The following FAP variants were observed in gnomAD, a reference collection of about 807,000 sequenced individuals.
FAP encodes fibroblast activation protein alpha, also known as prolyl endopeptidase FAP.
FAP carries 110 observed loss-of-function variants against 126.5 expected under a neutral mutation model. The ratio of observed to expected loss-of-function variants is 0.87; its 90% CI spans 0.74 to 1.02. FAP has a LOEUF of 1.02. FAP is among the 50% of genes least tolerant of loss of function. The pLI is 0.00. For synonymous variants in FAP, 334 were observed against 297.3 expected (o/e 1.12, Z -1.27); for missense variants, 919 against 909.2 (o/e 1.01, Z -0.14).
At chr2:162,183,389 G>A (rs776318951) in intron 21 of FAP, 25 bp downstream of exon 21, 15 of 1,542,390 alleles carry the variant, frequency 9.7e-6, no homozygotes, top group Admixed American at 1.7e-5. Context: ...TGAATAACAG[G>A]CATAAAAAAT....
intron 6 of FAP, among the ~76,000 whole-genome samples, chr2:162,223,330 TA>T (rs1689494507): frequency 6.6e-6 from 1 of 152,110 alleles, no homozygotes; most frequent in African/African-American, 2.4e-5. Flanking sequence ...GTTTTTTCCA[TA>T]AATAGCACAT....
chr2:162,223,283 C>A (rs1484969415), intron 6 of FAP, among the ~76,000 whole-genome samples: 1 of 152,062 alleles, frequency 6.6e-6, no homozygotes, highest in African/African-American at 2.4e-5. Flanking sequence ...AAAATAGTGT[C>A]TCATTTCCAA....
At chr2:162,201,541 C>T (rs907312628) in intron 14 of FAP, among the ~76,000 whole-genome samples, 3 of 152,170 alleles carry the variant, frequency 2.0e-5, no homozygotes, top group Non-Finnish European at 4.4e-5. Context: ...CCAACAGCCC[C>T]CGGCCACTTC....
intron 16 of FAP, among the ~76,000 whole-genome samples, chr2:162,195,907 C>G (rs1688236691): frequency 6.6e-6 from 1 of 152,022 alleles, no homozygotes; most frequent in Non-Finnish European, 1.5e-5. Context: ...GTGGAGGGAA[C>G]CCATTAAAGT....
chr2:162,229,739 T>C (rs1218411948), intron 2 of FAP, among the ~76,000 whole-genome samples: 1 of 152,158 alleles, frequency 6.6e-6, no homozygotes, highest in Admixed American at 6.5e-5. Flanking sequence ...ATTTAGTTTA[T>C]CCAGGAAGGT....
intron 16 of FAP, chr2:162,198,226 T>C (rs1688338275): frequency 1.6e-6 from 2 of 1,289,700 alleles, no homozygotes; most frequent in Admixed American, 2.3e-5. Flanking sequence ...TCTATCCCCA[T>C]TGAAACTACA....
intron 11 of FAP, among the ~76,000 whole-genome samples, chr2:162,212,734 G>A (rs1480478835): frequency 7.9e-5 from 12 of 152,026 alleles, no homozygotes; most frequent in Admixed American, 7.9e-4. Context: ...TTGTTTTAAT[G>A]AAACATTTCT....
At chr2:162,224,269 C>T (rs1272945161) in intron 5 of FAP, among the ~76,000 whole-genome samples, 197 bp downstream of exon 5, 1 of 152,078 alleles carries the variant, frequency 6.6e-6, no homozygotes, top group Admixed American at 6.6e-5. Flanking sequence ...ATTTTGGACT[C>T]TGTTCCTTAA....
intron 2 of FAP, among the ~76,000 whole-genome samples, chr2:162,237,440 A>C (rs1690184810): frequency 1.3e-5 from 2 of 151,708 alleles, no homozygotes. Flanking sequence ...TCATTGTTCA[A>C]CTCCCACTTA....
At chr2:162,198,680 A>C in intron 16 of FAP, 77 bp downstream of exon 16, 1 of 1,516,968 alleles carries the variant, frequency 6.6e-7, no homozygotes, top group Non-Finnish European at 9.1e-7. Flanking sequence ...TGTAGCTACG[A>C]ATTGATCAGA....
chr2:162,188,321 A>G lies in FAP; in HGVS notation c.1662T>C (p.Ala554=). 6.2e-7 allele frequency: 1 copy of G among 1,613,276 alleles called. No individual in the cohort carries two copies. The highest frequency in any genetic ancestry group is 8.5e-7 in the Non-Finnish European group (1 of 1,179,492). The change falls in exon 20 of 26, where the codon GCT becomes GCC. Residue 554 remains alanine, a synonymous_variant. Transcript: ENST00000188790. ...PCSQSVRSVF[A]VNWISYLASK... ...TTGCAAGATAAGATATCCAATTAACAGCAAATACAGACCTTACACTCTGAC... is the reference window on the plus strand; with the variant it reads ...TTGCAAGATAAGATATCCAATTAACGGCAAATACAGACCTTACACTCTGAC...
intron 18 of FAP, 54 bp downstream of exon 18, chr2:162,189,602 A>C: frequency 1.0e-6 from 1 of 986,840 alleles, no homozygotes; most frequent in Non-Finnish European, 1.6e-6. Context: ...TTTTAAAAGC[A>C]AGAAAATTGC....
chr2:162,200,671 A>C (rs1470623878), intron 14 of FAP, 52 bp from the exon 15 acceptor site: 1 of 819,186 alleles, frequency 1.2e-6, no homozygotes, highest in Non-Finnish European at 2.0e-6. Flanking sequence ...TGATAATAGG[A>C]TTGTTAGTAT....
intron 1 of FAP, 75 bp downstream of exon 1, chr2:162,243,247 C>A (rs1690424408): frequency 8.4e-7 from 1 of 1,183,542 alleles, no homozygotes; most frequent in Non-Finnish European, 1.2e-6. Flanking sequence ...ACCTTCTAAA[C>A]AATAGAAAAC....
chr2:162,208,051 A>T (rs1218180480), intron 12 of FAP, among the ~76,000 whole-genome samples: 2 of 149,676 alleles, frequency 1.3e-5, no homozygotes, highest in Non-Finnish European at 3.0e-5. Context: ...AGGTCAAGAG[A>T]TTGAGACCAT....
Position 162,230,637 on chromosome 2 carries a change from A to G in FAP, c.92-4016T>C, listed in dbSNP as rs75157295. On this transcript the variant is annotated intron_variant, in intron 2 of 25. Transcript: ENST00000188790. ...CCCTCTATTACATGTTGTAAATTTCATATGTAGACTCTTTTGCCTTCATTT... is the reference window on the plus strand; with the variant it reads ...CCCTCTATTACATGTTGTAAATTTCGTATGTAGACTCTTTTGCCTTCATTT... 3.2e-3 allele frequency among the ~76,000 whole-genome samples: 487 copies of G among 151,762 alleles called. 1 individual carries two copies. Among genetic ancestry groups the G allele is most frequent in the African/African-American group, 0.011 (459 of 41,358 alleles).
At chr2:162,221,449 C>T (rs532944817) in intron 6 of FAP, 10 of 282,620 alleles carry the variant, frequency 3.5e-5, no homozygotes, top group African/African-American at 1.3e-4. Context: ...TGCTTAAACC[C>T]GGGAGGAGGA....
Position 162,194,991 on chromosome 2 carries a change from C to G in FAP, c.1403-243G>C, listed in dbSNP as rs192535785. 2.8e-5 allele frequency: 15 copies of G among 526,580 alleles called. 1 individual carries two copies. In the Admixed American group the frequency reaches 3.2e-4, roughly 11 times the overall value. The allele number at this position is 526,580 out of a possible 1,614,324, so 32.6% of individuals were successfully genotyped here. A position where few individuals can be genotyped will look rare whatever the true frequency, so the allele number is the denominator to read the frequency against. On this transcript the variant is annotated intron_variant, in intron 16 of 25. Transcript: ENST00000188790. Reference sequence around the variant, plus strand: ...GCCTTGCCTGTGCACTTTTCCAAGACTAATCCTGAATCATTAATATCGAAT... The same window carrying G: ...GCCTTGCCTGTGCACTTTTCCAAGAGTAATCCTGAATCATTAATATCGAAT...
At chr2:162,228,404 G>A (rs1689750225) in intron 2 of FAP, among the ~76,000 whole-genome samples, 1 of 152,152 alleles carries the variant, frequency 6.6e-6, no homozygotes, top group South Asian at 2.1e-4. Flanking sequence ...TGCTATGTAT[G>A]TAGTAAGAGC....
Sources: allele counts gnomAD v4.1 joint callset (sites outside exome capture counted in the v4.1 genomes callset), GRCh38; gene constraint gnomAD v4.1.1; transcripts MANE v1.5; gene names NCBI Gene and HGNC (gene_info 2026-07-23, HGNC 2026-07-21).